CDIPT: variants seen among roughly 807,000 people sequenced by gnomAD.
The protein encoded by CDIPT is CDP-diacylglycerol--inositol 3-phosphatidyltransferase.
In CDIPT, 17 loss-of-function variants were observed where a neutral mutation model predicts 21.6. The ratio of observed to expected loss-of-function variants is 0.79; its 90% CI spans 0.54 to 1.18. The LOEUF is 1.18. Among genes scored for constraint, CDIPT ranks in the 50% most tolerant of loss-of-function variants. The pLI, the probability that CDIPT is intolerant of heterozygous loss-of-function variation, is 0.00. For missense variants in CDIPT, 254 were observed against 284.9 expected (o/e 0.89, Z 0.78); for synonymous variants, 119 against 117.9 (o/e 1.01, Z -0.06).
intron 3 of CDIPT, 64 bp downstream of exon 3, chr16:29,861,042 C>G: frequency 6.4e-7 from 1 of 1,563,244 alleles, no homozygotes; most frequent in Non-Finnish European, 8.8e-7. Context: ...ACCCTTCCGT[C>G]TAGGCTCAGC....
chr16:29,860,955 G>A (rs2067675333), intron 3 of CDIPT, 151 bp downstream of exon 3: 1 of 703,396 alleles, frequency 1.4e-6, no homozygotes, highest in South Asian at 1.8e-5. Context: ...TTTAAAGAGA[G>A]GCAGGTTTGC....
chr16:29,859,639 T>G lies in CDIPT; in HGVS notation c.415-116A>C. 1 of 710,782 alleles carries G rather than the reference T, an allele frequency of 1.4e-6. No individual in the cohort carries two copies. 44.0% of individuals were successfully genotyped at this position (710,782 alleles called of 1,614,324 possible). ...TATTACTTCTCTTATTTTTTTTTCT[T>G]TTTTACAGACAGGGTCTCGCTCTCT... On this transcript the variant is annotated intron_variant, in intron 4 of 5. Transcript: ENST00000219789. The surrounding 1 kb of genome is among the most constrained non-coding windows in gnomAD (Gnocchi z 4.5).
At position 29,862,529 on chromosome 16, in the gene CDIPT, G is replaced by A; in HGVS notation, c.178+57C>T. On this transcript the variant is annotated intron_variant, in intron 2 of 5. Transcript: ENST00000219789. The surrounding 1 kb of genome is among the most constrained non-coding windows in gnomAD (Gnocchi z 6.7). ...TGACTCTGAGGTCCCGAGGAGGCAG[G>A]GGAAGGGAGGAGGGGATTGTTGAAC... The A allele has an allele frequency of 2.0e-6, 3 of 1,535,664 alleles. No homozygotes were observed. The highest frequency in any genetic ancestry group is 2.6e-6 in the Non-Finnish European group (3 of 1,134,260).
In CDIPT at chr16:29,859,609, C is replaced by T. The variant is rs548182728; in HGVS notation, c.415-86G>A. 36 of 815,706 alleles carry T rather than the reference C, an allele frequency of 4.4e-5. No homozygotes were observed. In the Admixed American group the frequency reaches 5.2e-4, roughly 12 times the overall value. The allele number at this position is 815,706 out of a possible 1,614,324, so 50.5% of individuals were successfully genotyped here. A position where few individuals can be genotyped will look rare whatever the true frequency, so the allele number is the denominator to read the frequency against. On this transcript the variant is annotated intron_variant, in intron 4 of 5. Transcript: ENST00000219789. This position sits in a 1 kb window ranked among gnomAD's most constrained non-coding sequence, Gnocchi z 4.5. ...CCCAGCACTAATGAAGGCACAATCT[C>T]GGCATATTACTTCTCTTATTTTTTT...
rs1435536144 is a variant in CDIPT, at chr16:29,859,483, TAGA to T, written c.452_454del (p.Phe151del). The T allele has an allele frequency of 7.4e-6, 12 of 1,613,314 alleles. No homozygotes were observed. In the Admixed American group the frequency reaches 1.0e-4, roughly 13 times the overall value. ...GAAATGGAACAGGTAGAGGAGGCAG[TAGA>T]AGAGCTCATTCCCAGCACACAAGGT... is the stretch of plus-strand genomic sequence containing the variant. On this transcript the variant is annotated inframe_deletion, in exon 5 of 6. Transcript: ENST00000219789. This position sits in a 1 kb window ranked among gnomAD's most constrained non-coding sequence, Gnocchi z 4.5.
chr16:29,863,123 C>T lies in CDIPT; in HGVS notation c.-266G>A, dbSNP rs1183308006. ...GCCTCTGCCAGCCCCGCAGGCGCTC[C>T]GGGCCTCCAGCTGCGGTCGCCGCTG... On this transcript the variant is annotated 5_prime_UTR_variant, in exon 1 of 6. Coordinates refer to ENST00000219789, the MANE Select transcript of CDIPT (RefSeq NM_006319.5). The T allele has an allele frequency of 8.2e-6, 4 of 487,016 alleles. No individual in the cohort carries two copies. The highest frequency in any genetic ancestry group is 6.3e-5 in the African/African-American group (3 of 47,886). 30.2% of individuals were successfully genotyped at this position (487,016 alleles called of 1,614,324 possible).
In CDIPT at chr16:29,859,271, G is replaced by A. The variant is rs1383442728; in HGVS notation, c.560C>T (p.Ser187Leu). Residue 187 changes from serine to leucine, a missense_variant, in exon 6 of 6, where the codon TCG becomes TTG. Transcript: ENST00000219789. This position sits in a 1 kb window ranked among gnomAD's most constrained non-coding sequence, Gnocchi z 4.5. The part of the protein sequence containing the change: ...WVTAPIALLK[S>L]LISVIHLITA... ...GATCAGGTGGATGACGCTGATGAGC[G>A]ACTTCAGCAAGGCGATGGGGGCAGT... 3.8e-6 allele frequency: 6 copies of A among 1,585,002 alleles called. No individual in the cohort carries two copies. The highest frequency in any genetic ancestry group is 1.8e-5 in the Admixed American group (1 of 54,688).
rs772265377 is a variant in CDIPT at position 29,858,806 on chromosome 16, C to T, written c.*383G>A. ...CTTCTTCCCTCCTGGGCATGGTGCCCCAAGCTTGCTCTGGCTGGGGGCGGA... is the reference window on the plus strand; with the variant it reads ...CTTCTTCCCTCCTGGGCATGGTGCCTCAAGCTTGCTCTGGCTGGGGGCGGA... On this transcript the variant is annotated 3_prime_UTR_variant, in exon 6 of 6. Transcript: ENST00000219789. 1.8e-4 allele frequency: 38 copies of T among 213,952 alleles called. No homozygotes were observed. The highest frequency in any genetic ancestry group is 2.3e-4 in the Non-Finnish European group (24 of 105,140). The allele number at this position is 213,952 out of a possible 1,614,324, so 13.3% of individuals were successfully genotyped here. A position where few individuals can be genotyped will look rare whatever the true frequency, so the allele number is the denominator to read the frequency against.
chr16:29,861,619 C>T (rs985645091), intron 2 of CDIPT: 1 of 886,792 alleles, frequency 1.1e-6, no homozygotes, highest in African/African-American at 1.7e-5. Flanking sequence ...CTCCAGAAGC[C>T]ATCACCCTTC....
At position 29,859,086 on chromosome 16, in the gene CDIPT, T is replaced by G; in HGVS notation, c.*103A>C. Reference sequence around the variant, plus strand: ...CCATCCCAGCAGGTAGAACAACACATGAGGAAGGCGTGAGACTGGGACCTC... The same window carrying G: ...CCATCCCAGCAGGTAGAACAACACAGGAGGAAGGCGTGAGACTGGGACCTC... On this transcript the variant is annotated 3_prime_UTR_variant, in exon 6 of 6. Transcript: ENST00000219789. The surrounding 1 kb of genome is among the most constrained non-coding windows in gnomAD (Gnocchi z 4.5). The G allele has an allele frequency of 7.9e-7, 1 of 1,265,130 alleles. No individual in the cohort carries two copies. The highest frequency in any genetic ancestry group is 1.1e-6 in the Non-Finnish European group (1 of 914,498). 78.4% of individuals were successfully genotyped at this position (1,265,130 alleles called of 1,614,324 possible).
Position 29,859,432 on chromosome 16 carries a change from C to G in CDIPT, c.496+10G>C, listed in dbSNP as rs1412843416. 5 of 1,610,692 alleles carry G rather than the reference C, an allele frequency of 3.1e-6. No homozygotes were observed. Among genetic ancestry groups the G allele is most frequent in the Non-Finnish European group, 3.4e-6 (4 of 1,177,690 alleles). ...CCTCCCATCCTCCTGCCCAGCCCCTCATCTCCTACCTAAAGGTCCCTCAGA... is the reference window on the plus strand; with the variant it reads ...CCTCCCATCCTCCTGCCCAGCCCCTGATCTCCTACCTAAAGGTCCCTCAGA... On this transcript the variant is annotated intron_variant, in intron 5 of 5. Transcript: ENST00000219789. This position sits in a 1 kb window ranked among gnomAD's most constrained non-coding sequence, Gnocchi z 4.5.
chr16:29,863,055 A>AG lies in CDIPT; in HGVS notation c.-199dup. ...ACCGGCCCCGAGGTGCGCGGGACGC[A>AG]GGGGGCGCGCGCAGTCCGCCCTTCC... On this transcript the variant is annotated 5_prime_UTR_variant, in exon 1 of 6. Transcript: ENST00000219789. The AG allele has an allele frequency of 4.7e-6, 3 of 644,920 alleles. No homozygotes were observed. The highest frequency in any genetic ancestry group is 8.1e-6 in the Non-Finnish European group (3 of 371,562). 39.9% of individuals were successfully genotyped at this position (644,920 alleles called of 1,614,324 possible). A position where few individuals can be genotyped will look rare whatever the true frequency, so the allele number is the denominator to read the frequency against.
In CDIPT at chr16:29,862,890, C is replaced by G. The variant is rs1387847814; in HGVS notation, c.-33G>C. 6.2e-7 allele frequency: 1 copy of G among 1,612,094 alleles called. No homozygotes were observed. The highest frequency in any genetic ancestry group is 1.1e-5 in the South Asian group (1 of 90,946). ...CCTCCCTTGCTGCCCCGGGCCTGCT[C>G]TGGAGATGCCAGTGCTGTCCCAGCC... On this transcript the variant is annotated 5_prime_UTR_variant, in exon 1 of 6. Transcript: ENST00000219789. The surrounding 1 kb of genome is among the most constrained non-coding windows in gnomAD (Gnocchi z 6.7).
Position 29,862,902 on chromosome 16 carries a change from G to C in CDIPT, c.-45C>G. On this transcript the variant is annotated 5_prime_UTR_variant, in exon 1 of 6. Transcript: ENST00000219789. The surrounding 1 kb of genome is among the most constrained non-coding windows in gnomAD (Gnocchi z 6.7). ...CCCCGGGCCTGCTCTGGAGATGCCA[G>C]TGCTGTCCCAGCCCCGCAGCGCGGC... is the stretch of plus-strand genomic sequence containing the variant. 6.2e-7 allele frequency: 1 copy of C among 1,608,364 alleles called. No individual in the cohort carries two copies.
chr16:29,862,211 C>A lies in CDIPT; in HGVS notation c.178+375G>T, dbSNP rs999748223. ...AGCAAGGCAGGAGGATCGCTTGAGGCTAGGAGCTGGGGACCAATCTGGGCG... is the reference window on the plus strand; with the variant it reads ...AGCAAGGCAGGAGGATCGCTTGAGGATAGGAGCTGGGGACCAATCTGGGCG... On this transcript the variant is annotated intron_variant, in intron 2 of 5. Transcript: ENST00000219789. The surrounding 1 kb of genome is among the most constrained non-coding windows in gnomAD (Gnocchi z 6.7). Among the ~76,000 whole-genome samples the A allele has an allele frequency of 1.3e-5, 2 of 152,162 alleles. No homozygotes were observed. Among genetic ancestry groups the A allele is most frequent in the African/African-American group, 4.8e-5 (2 of 41,448 alleles).
Position 29,861,187 on chromosome 16 carries a change from G to A in CDIPT, c.251C>T (p.Ala84Val). The A allele has an allele frequency of 6.2e-7, 1 of 1,614,190 alleles. No individual in the cohort carries two copies. Residue 84 changes from alanine to valine, a missense_variant, in exon 3 of 6, where the codon GCC (alanine) becomes GTC (valine). By Grantham distance (64) the Ala-to-Val change is moderately conservative. Transcript: ENST00000219789. Reference protein sequence around the residue: ...CSTMCLLVNLALLYPGATLFF... With the variant: ...CSTMCLLVNLVLLYPGATLFF... Reference sequence around the variant, plus strand: ...CAGCGTGGCTCCAGGGTACAGCAGGGCCAGGTTGACCAACAGGCACATGGT... The same window carrying A: ...CAGCGTGGCTCCAGGGTACAGCAGGACCAGGTTGACCAACAGGCACATGGT...
intron 4 of CDIPT, 145 bp downstream of exon 4, chr16:29,860,436 C>T (rs1322492746): frequency 2.7e-5 from 17 of 625,386 alleles, no homozygotes; most frequent in African/African-American, 9.1e-5. Context: ...TCCTCCTCCA[C>T]GCCTCAGCTT....
intron 4 of CDIPT, 91 bp downstream of exon 4, chr16:29,860,490 C>T (rs1344353864): frequency 2.4e-6 from 2 of 830,878 alleles, no homozygotes; most frequent in African/African-American, 3.3e-5. Context: ...CTGCTCTGCG[C>T]CCTCGCCTTC....
Position 29,862,777 on chromosome 16 carries a change from G to C in CDIPT, c.43+38C>G, listed in dbSNP as rs944079736. The C allele has an allele frequency of 1.2e-6, 2 of 1,613,744 alleles. No individual in the cohort carries two copies. Among genetic ancestry groups the C allele is most frequent in the East Asian group, 4.5e-5 (2 of 44,884 alleles). ...ATCAGGGAGCCCGCCAAGGCCCCTC[G>C]CCCTCTCGTTCGGCCCGGGGCCGTG... On this transcript the variant is annotated intron_variant, in intron 1 of 5. Transcript: ENST00000219789. This position sits in a 1 kb window ranked among gnomAD's most constrained non-coding sequence, Gnocchi z 6.7.
Sources: gnomAD v4.1 joint callset for allele counts (sites outside exome capture counted in the v4.1 genomes callset) on GRCh38, gnomAD v4.1.1 for gene constraint, Gnocchi (gnomAD v3.1) non-coding constraint, MANE v1.5 for transcripts, NCBI Gene and HGNC (gene_info 2026-07-23, HGNC 2026-07-21) for gene names.